Variants in NDUFAF2 observed in about 807,000 individuals in gnomAD.
NDUFAF2 encodes the protein NADH:ubiquinone oxidoreductase complex assembly factor 2, also known as NADH dehydrogenase [ubiquinone] 1 alpha subcomplex assembly factor 2.
NDUFAF2 carries 13 observed loss-of-function variants against 22.8 expected under a neutral mutation model. The observed-to-expected ratio is 0.57, with a 90% confidence interval of 0.37 to 0.91. NDUFAF2 has a LOEUF of 0.91. Among genes scored for constraint, NDUFAF2 ranks in the 40% least tolerant of loss-of-function variants. The pLI, the probability that NDUFAF2 is intolerant of heterozygous loss-of-function variation, is 0.01. For synonymous variants in NDUFAF2, 53 were observed against 64.2 expected, an observed-to-expected ratio of 0.83 and a Z score of 0.84; for missense variants, 162 against 195.2, an observed-to-expected ratio of 0.83 and a Z score of 1.01.
intron 1 of NDUFAF2, among the ~76,000 whole-genome samples, chr5:60,953,935 A>G (rs990317757): frequency 5.3e-5 from 8 of 152,250 alleles, no homozygotes; most frequent in African/African-American, 1.7e-4. Flanking sequence ...TATGTGCCCT[A>G]TTGACAACAA....
chr5:61,071,118 A>G (rs1580121738), intron 1 of NDUFAF2, among the ~76,000 whole-genome samples: 1 of 152,334 alleles, frequency 6.6e-6, no homozygotes, highest in Non-Finnish European at 1.5e-5. Flanking sequence ...GTAAACATAC[A>G]TGTACATATA....
intron 1 of NDUFAF2, among the ~76,000 whole-genome samples, chr5:60,996,814 A>G (rs145116357): frequency 6.6e-6 from 1 of 152,290 alleles, no homozygotes; most frequent in East Asian, 1.9e-4. Context: ...ACAGAAAAGC[A>G]CTGAGTTCTG....
At chr5:61,141,710 T>A (rs1309892959) in intron 3 of NDUFAF2, among the ~76,000 whole-genome samples, 1 of 150,926 alleles carries the variant, frequency 6.6e-6, no homozygotes, top group African/African-American at 2.4e-5. Context: ...CATGAATGAA[T>A]AAGTATATCT....
intron 1 of NDUFAF2, among the ~76,000 whole-genome samples, chr5:60,964,725 TACAGGTGTGA>T (rs1422587011): frequency 6.6e-6 from 1 of 152,138 alleles, no homozygotes; most frequent in Non-Finnish European, 1.5e-5. Context: ...GCGCTGGGAT[TACAGGTGTGA>T]ACTACCGCGC....
intron 2 of NDUFAF2, among the ~76,000 whole-genome samples, chr5:61,095,531 G>A (rs1752628913): frequency 6.6e-6 from 1 of 152,112 alleles, no homozygotes; most frequent in Non-Finnish European, 1.5e-5. Context: ...CTAGGGGTAT[G>A]TACAGAGGTC....
chr5:60,956,658 T>C (rs781567613), intron 1 of NDUFAF2, among the ~76,000 whole-genome samples: 1 of 152,160 alleles, frequency 6.6e-6, no homozygotes, highest in Non-Finnish European at 1.5e-5. Flanking sequence ...GATTTGTATA[T>C]GTTATCTCAA....
chr5:61,094,879 T>G (rs1044546187), intron 2 of NDUFAF2, among the ~76,000 whole-genome samples: 2 of 152,128 alleles, frequency 1.3e-5, no homozygotes, highest in Admixed American at 6.5e-5. Context: ...GTTGCCGGCC[T>G]GAATGCACTT....
intron 1 of NDUFAF2, among the ~76,000 whole-genome samples, chr5:60,961,908 C>G (rs1171962943): frequency 6.6e-6 from 1 of 151,580 alleles, no homozygotes; most frequent in Non-Finnish European, 1.5e-5. Flanking sequence ...TTACAGTTAA[C>G]TATGATTGCA....
intron 1 of NDUFAF2, among the ~76,000 whole-genome samples, chr5:61,057,574 G>A (rs1448778304): frequency 6.6e-6 from 1 of 152,178 alleles, no homozygotes; most frequent in Non-Finnish European, 1.5e-5. Flanking sequence ...AATCCTAGGA[G>A]TGTGAGGAGG....
chr5:60,967,502 G>A (rs991558880), intron 1 of NDUFAF2, among the ~76,000 whole-genome samples: 3 of 151,664 alleles, frequency 2.0e-5, no homozygotes, highest in African/African-American at 7.3e-5. Flanking sequence ...ATTGCATTGA[G>A]ATATATTCCT....
chr5:60,973,856 G>A (rs887915532), intron 1 of NDUFAF2, among the ~76,000 whole-genome samples: 2 of 152,154 alleles, frequency 1.3e-5, no homozygotes, highest in African/African-American at 4.8e-5. Context: ...CCTAGTTGGA[G>A]TAGAGTGGCA....
chr5:61,057,054 AGCAGCCT>A lies in NDUFAF2; in HGVS notation c.128-16066_128-16060del, dbSNP rs1420474532. On this transcript the variant is annotated intron_variant, in intron 1 of 3. Transcript: ENST00000296597. ...AGACTACCTAAATCTTTCCCTTCACAGCAGCCTGCAGTTCTGGGGAGTCAAAGTATTA... is the reference window on the plus strand; with the variant it reads ...AGACTACCTAAATCTTTCCCTTCACAGCAGTTCTGGGGAGTCAAAGTATTA... 2.0e-5 allele frequency among the ~76,000 whole-genome samples: 3 copies of A among 150,802 alleles called. No homozygotes were observed. The East Asian group carries it at 5.8e-4, about 29-fold the overall frequency.
chr5:60,985,064 A>G (rs552423207), intron 1 of NDUFAF2, among the ~76,000 whole-genome samples: 2 of 152,282 alleles, frequency 1.3e-5, no homozygotes, highest in Non-Finnish European at 2.9e-5. Context: ...TATTGCCTCA[A>G]TTTCAGAGCC....
At chr5:61,092,825 A>G (rs1225968876) in intron 2 of NDUFAF2, among the ~76,000 whole-genome samples, 1 of 152,120 alleles carries the variant, frequency 6.6e-6, no homozygotes, top group African/African-American at 2.4e-5. Context: ...AGTTCTCTAA[A>G]GGGACAGAAC....
chr5:60,978,883 G>T (rs1450597998), intron 1 of NDUFAF2, among the ~76,000 whole-genome samples: 1 of 152,090 alleles, frequency 6.6e-6, no homozygotes, highest in Non-Finnish European at 1.5e-5. Flanking sequence ...AGTGCAGCTC[G>T]CAATTCTAAG....
intron 1 of NDUFAF2, among the ~76,000 whole-genome samples, chr5:61,001,636 A>G (rs1420269762): frequency 6.6e-6 from 1 of 152,140 alleles, no homozygotes; most frequent in African/African-American, 2.4e-5. Flanking sequence ...GTAAAATCTT[A>G]TTACCTTGTG....
chr5:61,024,027 T>G (rs1751619525), intron 1 of NDUFAF2, among the ~76,000 whole-genome samples: 1 of 152,180 alleles, frequency 6.6e-6, no homozygotes, highest in Non-Finnish European at 1.5e-5. Flanking sequence ...ACTTGAGGAA[T>G]TTTTGTTTCT....
chr5:60,952,725 G>T (rs158913), intron 1 of NDUFAF2, among the ~76,000 whole-genome samples: 1 of 152,122 alleles, frequency 6.6e-6, no homozygotes, highest in South Asian at 2.1e-4. Context: ...AGTTGTTCAA[G>T]CTTTGTATAT....
chr5:61,025,085 T>C (rs1018871358), intron 1 of NDUFAF2, among the ~76,000 whole-genome samples: 2 of 152,042 alleles, frequency 1.3e-5, no homozygotes, highest in Admixed American at 6.6e-5. Flanking sequence ...CCTAAATTTG[T>C]CCTCCCATAA....
Sources: allele counts gnomAD v4.1 joint callset (sites outside exome capture counted in the v4.1 genomes callset), GRCh38; gene constraint gnomAD v4.1.1; transcripts MANE v1.5; gene names NCBI Gene and HGNC (gene_info 2026-07-23, HGNC 2026-07-21).